Variants in PHF21B observed in about 807,000 individuals in gnomAD.
The protein encoded by PHF21B is PHD finger protein 21B.
In PHF21B, 22 loss-of-function variants were observed where a neutral mutation model predicts 62.2. The ratio of observed to expected loss-of-function variants is 0.35; its 90% CI spans 0.25 to 0.51. PHF21B has a LOEUF of 0.51. Ranked by LOEUF, PHF21B falls within the 20% of genes least tolerant of loss-of-function variation. PHF21B has a pLI of 0.97. For missense variants in PHF21B, 701 were observed against 707.9 expected, an observed-to-expected ratio of 0.99 and a Z score of 0.11; for synonymous variants, 341 against 314.7, an observed-to-expected ratio of 1.08 and a Z score of -0.88.
At chr22:44,888,360 G>A (rs931852357) in intron 9 of PHF21B, among the ~76,000 whole-genome samples, 1 of 152,330 alleles carries the variant, frequency 6.6e-6, no homozygotes, top group African/African-American at 2.4e-5. Flanking sequence ...AGGGGCTGGG[G>A]CACTGAGCAT....
intron 2 of PHF21B, among the ~76,000 whole-genome samples, chr22:44,981,652 G>A (rs2147477223): frequency 6.6e-6 from 1 of 152,312 alleles, no homozygotes; most frequent in South Asian, 2.1e-4. Context: ...GTTCCTGGCT[G>A]GACAAGCCCT....
chr22:44,946,286 G>A (rs975433137), intron 2 of PHF21B, among the ~76,000 whole-genome samples: 3 of 152,004 alleles, frequency 2.0e-5, no homozygotes, highest in African/African-American at 7.3e-5. Flanking sequence ...AGCTTCCCCT[G>A]ACACCCCCAA....
chr22:44,909,673 A>G (rs2071311872), intron 5 of PHF21B, among the ~76,000 whole-genome samples: 1 of 152,236 alleles, frequency 6.6e-6, no homozygotes, highest in Non-Finnish European at 1.5e-5. Context: ...CCCCTACTGC[A>G]GTCCGAAAGC....
intron 2 of PHF21B, among the ~76,000 whole-genome samples, chr22:44,980,397 T>C (rs964873339): frequency 1.3e-5 from 2 of 152,162 alleles, no homozygotes; most frequent in African/African-American, 2.4e-5. Flanking sequence ...CAGAGTCTCC[T>C]GAGTGTATGT....
At position 44,904,749 on chromosome 22, in the gene PHF21B, C is replaced by A. The variant is rs1429373904; in HGVS notation, c.832-8666G>T. Among the ~76,000 whole-genome samples the A allele has an allele frequency of 2.5e-4, 33 of 133,186 alleles. 4 individuals carry two copies. The Admixed American group carries it at 2.6e-3, about 10-fold the overall frequency. 87.4% of individuals were successfully genotyped at this position (133,186 alleles called of 152,430 possible). ...GGGGACTCCAGAGAGGGCCAAGGAG[C>A]CACAGGCTGCAGAAAAAGTCAGTGG... is the stretch of plus-strand genomic sequence containing the variant. On this transcript the variant is annotated intron_variant, in intron 5 of 12. Transcript: ENST00000313237.
intron 5 of PHF21B, among the ~76,000 whole-genome samples, chr22:44,904,012 T>G (rs549403979): frequency 8.7e-4 from 133 of 152,198 alleles, no homozygotes; most frequent in African/African-American, 3.2e-3. Context: ...CATTTCCTAC[T>G]TCTTGGGAAA....
At chr22:44,909,065 C>T (rs1029320454) in intron 5 of PHF21B, among the ~76,000 whole-genome samples, 3 of 152,104 alleles carry the variant, frequency 2.0e-5, no homozygotes, top group African/African-American at 7.2e-5. Context: ...CCCAAAGTGC[C>T]AGGATTACAG....
At chr22:44,903,152 C>T (rs1426865599) in intron 5 of PHF21B, among the ~76,000 whole-genome samples, 1 of 152,218 alleles carries the variant, frequency 6.6e-6, no homozygotes, top group Non-Finnish European at 1.5e-5. Flanking sequence ...CAAGCACTCC[C>T]TCCTCCAGCA....
At chr22:44,917,089 T>C (rs1361131338) in intron 3 of PHF21B, among the ~76,000 whole-genome samples, 3 of 152,162 alleles carry the variant, frequency 2.0e-5, no homozygotes, top group Admixed American at 6.5e-5. Context: ...TCAGTCTGGG[T>C]GGGGGCTGCT....
intron 2 of PHF21B, among the ~76,000 whole-genome samples, chr22:44,954,071 G>A (rs1019074920): frequency 6.6e-5 from 10 of 152,236 alleles, no homozygotes; most frequent in Non-Finnish European, 1.0e-4. Context: ...TGATTCCTCT[G>A]GCCCTGAGAG....
chr22:44,987,000 C>A (rs771683808), intron 2 of PHF21B, among the ~76,000 whole-genome samples: 21 of 152,220 alleles, frequency 1.4e-4, no homozygotes, highest in Non-Finnish European at 3.1e-4. Flanking sequence ...GCTTGTCTAT[C>A]AGATTCATAC....
chr22:44,978,347 A>C (rs1051431909), intron 2 of PHF21B, among the ~76,000 whole-genome samples: 1 of 151,858 alleles, frequency 6.6e-6, no homozygotes, highest in Non-Finnish European at 1.5e-5. Flanking sequence ...TCTCCCTGTG[A>C]TTTTGTTTTT....
intron 2 of PHF21B, among the ~76,000 whole-genome samples, chr22:44,936,029 T>C (rs1270808358): frequency 6.6e-6 from 1 of 152,222 alleles, no homozygotes; most frequent in Non-Finnish European, 1.5e-5. Flanking sequence ...ACTGTGCAAA[T>C]AACGTGTTGA....
chr22:44,993,746 A>G (rs1007630767), intron 2 of PHF21B, among the ~76,000 whole-genome samples: 1 of 152,188 alleles, frequency 6.6e-6, no homozygotes, highest in Non-Finnish European at 1.5e-5. Context: ...CACCCAGGAG[A>G]ATGCACATCC....
At chr22:44,953,833 A>G (rs1317120015) in intron 2 of PHF21B, among the ~76,000 whole-genome samples, 1 of 152,250 alleles carries the variant, frequency 6.6e-6, no homozygotes, top group Admixed American at 6.5e-5. Context: ...TTAATCCTCA[A>G]AACAACTCTA....
intron 2 of PHF21B, among the ~76,000 whole-genome samples, chr22:44,985,907 C>T (rs528113377): frequency 1.8e-3 from 268 of 150,710 alleles, no homozygotes; most frequent in Non-Finnish European, 1.8e-3. Context: ...TCACCATGAG[C>T]ACCACCATCA....
chr22:44,978,746 C>T (rs1186159910), intron 2 of PHF21B, among the ~76,000 whole-genome samples: 1 of 152,258 alleles, frequency 6.6e-6, no homozygotes, highest in Non-Finnish European at 1.5e-5. Flanking sequence ...TCTTCTACTA[C>T]ACCTGCCCAA....
rs887240261 is a variant in PHF21B at position 44,933,629 on chromosome 22, G to A, written c.121-13139C>T. The A allele has an allele frequency of 5.4e-5, 39 of 717,720 alleles. No homozygotes were observed. In the Admixed American group the frequency reaches 2.2e-3, roughly 40 times the overall value. The allele number at this position is 717,720 out of a possible 1,614,324, so 44.5% of individuals were successfully genotyped here. On this transcript the variant is annotated intron_variant, in intron 2 of 12. Coordinates refer to ENST00000313237, the MANE Select transcript of PHF21B (RefSeq NM_138415.5). ...GGGGTAAGCGTTAAGTGGGGTGGGG[G>A]AGCCGTCTGAGGTTGGTCACGCACC...
intron 2 of PHF21B, among the ~76,000 whole-genome samples, chr22:44,995,314 C>T (rs2073102209): frequency 2.0e-5 from 3 of 152,194 alleles, no homozygotes. Context: ...ATAATTAGAT[C>T]CACAATATGA....
Sources: allele counts gnomAD v4.1 joint callset (sites outside exome capture counted in the v4.1 genomes callset), GRCh38; gene constraint gnomAD v4.1.1; transcripts MANE v1.5; gene names NCBI Gene and HGNC (gene_info 2026-07-23, HGNC 2026-07-21).